Variants in TBC1D22A observed in about 807,000 individuals in gnomAD.
TBC1D22A encodes TBC1 domain family member 22A, also known as putative GTPase activator.
Under a neutral mutation model 60.2 loss-of-function variants are expected in TBC1D22A, and 38 were observed. The ratio of observed to expected loss-of-function variants is 0.63; its 90% CI spans 0.49 to 0.83. The LOEUF (loss-of-function observed/expected upper bound fraction) is 0.83, where lower values mean the gene tolerates loss of function less well. Among genes scored for constraint, TBC1D22A ranks in the 40% least tolerant of loss-of-function variants. The pLI, the probability that TBC1D22A is intolerant of heterozygous loss-of-function variation, is 0.00. For synonymous variants in TBC1D22A, 302 were observed against 281.7 expected (o/e 1.07, Z -0.72); for missense variants, 628 against 701.0 (o/e 0.90, Z 1.18).
intron 11 of TBC1D22A, among the ~76,000 whole-genome samples, chr22:47,089,245 T>C (rs1385797052): frequency 6.6e-6 from 1 of 152,218 alleles, no homozygotes; most frequent in Non-Finnish European, 1.5e-5. Context: ...GATGTAATAA[T>C]AGGCTTGTGA....
At chr22:46,971,249 C>T (rs1440975322) in intron 8 of TBC1D22A, among the ~76,000 whole-genome samples, 2 of 152,210 alleles carry the variant, frequency 1.3e-5, no homozygotes, top group African/African-American at 4.8e-5. Flanking sequence ...GAGCGAGGCT[C>T]CTGCCTGGCT....
At chr22:46,871,978 A>G (rs1278674221) in intron 4 of TBC1D22A, among the ~76,000 whole-genome samples, 1 of 152,190 alleles carries the variant, frequency 6.6e-6, no homozygotes, top group African/African-American at 2.4e-5. Flanking sequence ...GAAAGAGGAG[A>G]CATCACTACA....
At chr22:46,996,313 C>T (rs2148229120) in intron 9 of TBC1D22A, among the ~76,000 whole-genome samples, 1 of 152,380 alleles carries the variant, frequency 6.6e-6, no homozygotes, top group African/African-American at 2.4e-5. Flanking sequence ...GTGTCACTCC[C>T]TGAGGGCAGA....
intron 11 of TBC1D22A, among the ~76,000 whole-genome samples, chr22:47,055,525 A>G (rs920052408): frequency 2.6e-5 from 4 of 152,200 alleles, no homozygotes; most frequent in Non-Finnish European, 5.9e-5. Context: ...TACAGCAAAG[A>G]TCGATAAGGC....
chr22:46,900,342 G>T (rs1324464910), intron 7 of TBC1D22A, among the ~76,000 whole-genome samples: 1 of 151,984 alleles, frequency 6.6e-6, no homozygotes, highest in Non-Finnish European at 1.5e-5. Context: ...AATAGAGATG[G>T]GGTTTCACCA....
intron 1 of TBC1D22A, among the ~76,000 whole-genome samples, chr22:46,778,668 T>G (rs1392419595): frequency 6.6e-6 from 1 of 152,198 alleles, no homozygotes; most frequent in East Asian, 1.9e-4. Context: ...GACTAGGGAC[T>G]TGCCTGAGGC....
intron 11 of TBC1D22A, among the ~76,000 whole-genome samples, chr22:47,086,668 C>T (rs781083753): frequency 3.3e-5 from 5 of 152,150 alleles, no homozygotes; most frequent in Non-Finnish European, 7.3e-5. Context: ...TAATGCCCAA[C>T]AGCAGAGAGC....
At chr22:46,855,069 C>T (rs1343982260) in intron 4 of TBC1D22A, among the ~76,000 whole-genome samples, 4 of 152,182 alleles carry the variant, frequency 2.6e-5, no homozygotes, top group Non-Finnish European at 5.9e-5. Context: ...TTTCTATGGG[C>T]CCAGTGCTAC....
intron 11 of TBC1D22A, among the ~76,000 whole-genome samples, chr22:47,059,238 G>C (rs1176925765): frequency 3.9e-5 from 6 of 152,264 alleles, no homozygotes; most frequent in Non-Finnish European, 8.8e-5. Flanking sequence ...TTTTCTGCCA[G>C]GGTCCTACTG....
chr22:46,963,422 C>G (rs1184916893), intron 8 of TBC1D22A, among the ~76,000 whole-genome samples: 1 of 145,482 alleles, frequency 6.9e-6, no homozygotes, highest in Non-Finnish European at 1.5e-5. Context: ...GCTCTCAGGC[C>G]TCCACGATTG....
chr22:46,879,460 C>G (rs990201687), intron 5 of TBC1D22A, among the ~76,000 whole-genome samples: 3 of 152,144 alleles, frequency 2.0e-5, no homozygotes, highest in Non-Finnish European at 4.4e-5. Flanking sequence ...ATAGGGAGCT[C>G]TAAGTGTTTA....
chr22:46,863,650 TA>T (rs1161102061), intron 4 of TBC1D22A, among the ~76,000 whole-genome samples: 3 of 152,190 alleles, frequency 2.0e-5, no homozygotes, highest in Admixed American at 2.0e-4. Flanking sequence ...AATAGGGTTT[TA>T]AAAGTGTATT....
At position 47,148,534 on chromosome 22, in the gene TBC1D22A, C is replaced by T. The variant is rs144911065; in HGVS notation, c.1426-24964C>T. 6.3e-4 allele frequency among the ~76,000 whole-genome samples: 96 copies of T among 152,206 alleles called. No homozygotes were observed. The East Asian group carries it at 0.017, about 26-fold the overall frequency. On this transcript the variant is annotated intron_variant, in intron 12 of 12. Transcript: ENST00000337137. ...CGTCTCAAGGGCCTGAACAGAGTCC[C>T]CTCCCTGGAGTCCCTCCCCCGGGGT...
At chr22:46,888,551 A>C (rs1162212373) in intron 5 of TBC1D22A, among the ~76,000 whole-genome samples, 1 of 152,176 alleles carries the variant, frequency 6.6e-6, no homozygotes, top group Non-Finnish European at 1.5e-5. Context: ...ATGCTGCTGG[A>C]GTGCCAGGTG....
intron 11 of TBC1D22A, among the ~76,000 whole-genome samples, chr22:47,056,544 G>A (rs1048572621): frequency 7.9e-5 from 12 of 152,118 alleles, no homozygotes; most frequent in African/African-American, 2.7e-4. Context: ...TCCTCCCTCA[G>A]ATCTCTGTCT....
chr22:46,969,792 G>A (rs2073974438), intron 8 of TBC1D22A, among the ~76,000 whole-genome samples: 1 of 152,166 alleles, frequency 6.6e-6, no homozygotes, highest in African/African-American at 2.4e-5. Flanking sequence ...CCCCTTGTAG[G>A]GAGGTGTGGT....
intron 4 of TBC1D22A, among the ~76,000 whole-genome samples, chr22:46,838,257 C>T (rs557782363): frequency 6.6e-6 from 1 of 152,132 alleles, no homozygotes; most frequent in African/African-American, 2.4e-5. Context: ...ATAAAATTGA[C>T]AAACCTTTAG....
chr22:46,971,643 G>A (rs1275985220), intron 8 of TBC1D22A, among the ~76,000 whole-genome samples: 2 of 152,232 alleles, frequency 1.3e-5, no homozygotes, highest in Non-Finnish European at 2.9e-5. Flanking sequence ...AAGGCGTTAC[G>A]AGGGGGCTGG....
At chr22:47,159,067 CCA>C (rs1181398976) in intron 12 of TBC1D22A, among the ~76,000 whole-genome samples, 2 of 148,810 alleles carry the variant, frequency 1.3e-5, no homozygotes, top group Admixed American at 6.7e-5. Flanking sequence ...TACACAGACA[CCA>C]CACACAACAC....
Sources: allele counts gnomAD v4.1 joint callset (sites outside exome capture counted in the v4.1 genomes callset), GRCh38; gene constraint gnomAD v4.1.1; transcripts MANE v1.5; gene names NCBI Gene and HGNC (gene_info 2026-07-23, HGNC 2026-07-21).